Variants in RHOQ observed in about 807,000 individuals in gnomAD.
RHOQ encodes the protein ras homolog family member Q, also known as rho-related GTP-binding protein RhoQ.
In RHOQ, 7 loss-of-function variants were observed where a neutral mutation model predicts 25.8. The ratio of observed to expected loss-of-function variants is 0.27; its 90% CI spans 0.15 to 0.51. RHOQ has a LOEUF of 0.51. Among genes scored for constraint, RHOQ ranks in the 20% least tolerant of loss-of-function variants. RHOQ has a pLI of 0.97. For synonymous variants in RHOQ, 97 were observed against 98.6 expected, an observed-to-expected ratio of 0.98 and a Z score of 0.10; for missense variants, 165 against 260.6, an observed-to-expected ratio of 0.63 and a Z score of 2.53.
rs1667868409 is a variant in RHOQ, at chr2:46,542,866, C to T, written c.-181C>T. 1 of 168,076 alleles carries T rather than the reference C, an allele frequency of 5.9e-6. No homozygotes were observed. Among genetic ancestry groups the T allele is most frequent in the Non-Finnish European group, 1.2e-5 (1 of 85,600 alleles). 10.4% of individuals were successfully genotyped at this position (168,076 alleles called of 1,614,324 possible). Reference sequence around the variant, plus strand: ...CGGGCGGCGACCGCGGCGGCGGCAGCGCCCCGGGCCCGCCGCCCCCTCCCC... The same window carrying T: ...CGGGCGGCGACCGCGGCGGCGGCAGTGCCCCGGGCCCGCCGCCCCCTCCCC... On this transcript the variant is annotated 5_prime_UTR_variant, in exon 1 of 5. Coordinates refer to ENST00000238738, the MANE Select transcript of RHOQ (RefSeq NM_012249.4).
At position 46,554,193 on chromosome 2, in the gene RHOQ, T is replaced by C. The variant is rs564392928; in HGVS notation, c.201+10381T>C. Among the ~76,000 whole-genome samples the C allele has an allele frequency of 5.0e-4, 76 of 152,128 alleles. No homozygotes were observed. The South Asian group carries it at 0.015, about 29-fold the overall frequency. ...ACACACCCCCATATACCCTCATTTC[T>C]AGTTCTTTACACATGGTTGAGATTA... is the stretch of plus-strand genomic sequence containing the variant. On this transcript the variant is annotated intron_variant, in intron 2 of 4. Coordinates refer to ENST00000238738, the MANE Select transcript of RHOQ (RefSeq NM_012249.4).
chr2:46,575,432 C>T (rs1000017881), intron 2 of RHOQ, among the ~76,000 whole-genome samples: 8 of 151,354 alleles, frequency 5.3e-5, no homozygotes, highest in Non-Finnish European at 1.0e-4. Flanking sequence ...CACACACACA[C>T]ACACACACAC....
intron 2 of RHOQ, among the ~76,000 whole-genome samples, chr2:46,554,831 A>G (rs1248678234): frequency 7.1e-6 from 1 of 139,958 alleles, no homozygotes; most frequent in Non-Finnish European, 1.5e-5. Flanking sequence ...TAGAAAACCC[A>G]TCCTCTTTCA....
At chr2:46,543,861 T>G (rs1667942658) in intron 2 of RHOQ, 49 bp downstream of exon 2, 2 of 1,557,746 alleles carry the variant, frequency 1.3e-6, no homozygotes, top group South Asian at 2.3e-5. Flanking sequence ...TCCCCAGTTC[T>G]TTGTGGCTGC....
At position 46,576,372 on chromosome 2, in the gene RHOQ, G is replaced by A. The variant is rs527941136; in HGVS notation, c.366+121G>A. On this transcript the variant is annotated intron_variant, in intron 3 of 4. Transcript: ENST00000238738. The surrounding 1 kb of genome is among the most constrained non-coding windows in gnomAD (Gnocchi z 5.1). ...TGTAAGTGTTTAATCTCAGCTGCAAGTTAATGAGTTCTATCATATTTTTGG... is the reference window on the plus strand; with the variant it reads ...TGTAAGTGTTTAATCTCAGCTGCAAATTAATGAGTTCTATCATATTTTTGG... 4.2e-5 allele frequency: 41 copies of A among 978,340 alleles called. No individual in the cohort carries two copies. The East Asian group carries it at 9.4e-4, about 22-fold the overall frequency. The allele number at this position is 978,340 out of a possible 1,614,324, so 60.6% of individuals were successfully genotyped here. A position where few individuals can be genotyped will look rare whatever the true frequency, so the allele number is the denominator to read the frequency against.
intron 2 of RHOQ, among the ~76,000 whole-genome samples, chr2:46,573,289 C>T (rs1668997283): frequency 6.6e-6 from 1 of 152,076 alleles, no homozygotes; most frequent in South Asian, 2.1e-4. Context: ...ATCTTGGACT[C>T]CTGACCTCAA....
intron 2 of RHOQ, among the ~76,000 whole-genome samples, chr2:46,554,330 T>A (rs540544215): frequency 8.4e-4 from 128 of 152,168 alleles, no homozygotes; most frequent in Non-Finnish European, 1.6e-3. Context: ...GAAGCAGAAT[T>A]TTTTGTGGGG....
At chr2:46,572,491 A>G (rs1187443202) in intron 2 of RHOQ, among the ~76,000 whole-genome samples, 1 of 152,174 alleles carries the variant, frequency 6.6e-6, no homozygotes, top group African/African-American at 2.4e-5. Context: ...CTGCCAGAAC[A>G]CACTTAAAAA....
At chr2:46,554,371 C>G (rs1203650053) in intron 2 of RHOQ, among the ~76,000 whole-genome samples, 1 of 152,154 alleles carries the variant, frequency 6.6e-6, no homozygotes, top group Non-Finnish European at 1.5e-5. Context: ...GCTATGTGGC[C>G]TAGGGCTGTG....
At chr2:46,557,658 A>G (rs1335254979) in intron 2 of RHOQ, among the ~76,000 whole-genome samples, 1 of 152,222 alleles carries the variant, frequency 6.6e-6, no homozygotes, top group African/African-American at 2.4e-5. Context: ...TCAAACTTCT[A>G]TATGCAGATG....
chr2:46,547,150 C>T (rs1668096283), intron 2 of RHOQ, among the ~76,000 whole-genome samples: 1 of 152,184 alleles, frequency 6.6e-6, no homozygotes, highest in Admixed American at 6.5e-5. Flanking sequence ...TGGAATGAGG[C>T]AGCTCATGGC....
At chr2:46,573,695 T>G (rs1393320686) in intron 2 of RHOQ, among the ~76,000 whole-genome samples, 2 of 152,238 alleles carry the variant, frequency 1.3e-5, no homozygotes, top group African/African-American at 4.8e-5. Flanking sequence ...GAACATGGCA[T>G]TCAATTAGTT....
chr2:46,550,772 T>C (rs1343163703), intron 2 of RHOQ, among the ~76,000 whole-genome samples: 1 of 152,196 alleles, frequency 6.6e-6, no homozygotes, highest in Non-Finnish European at 1.5e-5. Context: ...CCTGTAGGGC[T>C]TGGTGCTGAG....
At chr2:46,580,662 C>G (rs918982432) in intron 4 of RHOQ, 1 of 278,270 alleles carries the variant, frequency 3.6e-6, no homozygotes, top group African/African-American at 2.2e-5. Flanking sequence ...TCGTTCAGTT[C>G]ACTGACATAT....
rs539631707 is a variant in RHOQ, at chr2:46,569,762, C to G, written c.202-6325C>G. On this transcript the variant is annotated intron_variant, in intron 2 of 4. Transcript: ENST00000238738. The surrounding 1 kb of genome is among the most constrained non-coding windows in gnomAD (Gnocchi z 4.1). ...ACCTTTAATTTCAAGAATTCTTTTA[C>G]TAAGCGCTAATCAGGCCAGTGACAT... Among the ~76,000 whole-genome samples the G allele has an allele frequency of 2.6e-5, 4 of 152,272 alleles. No individual in the cohort carries two copies. In the South Asian group the frequency reaches 8.3e-4, roughly 32 times the overall value.
Position 46,576,220 on chromosome 2 carries a change from C to T in RHOQ, c.335C>T (p.Pro112Leu). 6.2e-7 allele frequency: 1 copy of T among 1,609,052 alleles called. No individual in the cohort carries two copies. The highest frequency in any genetic ancestry group is 8.5e-7 in the Non-Finnish European group (1 of 1,178,386). The change falls in exon 3 of 5, where the codon CCA becomes CTA. Residue 112 changes from proline (P) to leucine (L), a missense_variant. By Grantham distance (98) the Pro-to-Leu change is moderately conservative. Transcript: ENST00000238738. This position sits in a 1 kb window ranked among gnomAD's most constrained non-coding sequence, Gnocchi z 5.1. ...EWVPELKEYA[P>L]NVPFLLIGTQ... ...GTACCGGAACTTAAGGAATACGCAC[C>T]AAATGTACCCTTTTTATTAATAGGA...
At chr2:46,562,120 TGAG>T (rs1378103634) in intron 2 of RHOQ, among the ~76,000 whole-genome samples, 1 of 152,068 alleles carries the variant, frequency 6.6e-6, no homozygotes, top group African/African-American at 2.4e-5. Context: ...AGGGTGGGGA[TGAG>T]AACAGGGACC....
intron 2 of RHOQ, among the ~76,000 whole-genome samples, chr2:46,546,270 C>G (rs1382921236): frequency 6.6e-6 from 1 of 151,482 alleles, no homozygotes; most frequent in African/African-American, 2.4e-5. Flanking sequence ...TCTCGGGTCT[C>G]TGTTCATGTG....
intron 1 of RHOQ, chr2:46,543,495 G>T (rs1009676568): frequency 2.3e-5 from 14 of 600,622 alleles, no homozygotes; most frequent in East Asian, 2.8e-5. Context: ...GGCCCCGGGG[G>T]AAATATTCGA....
Sources: allele counts gnomAD v4.1 joint callset (sites outside exome capture counted in the v4.1 genomes callset), GRCh38; gene constraint gnomAD v4.1.1; non-coding constraint Gnocchi (gnomAD v3.1); transcripts MANE v1.5; gene names NCBI Gene and HGNC (gene_info 2026-07-23, HGNC 2026-07-21).